Variants in CFAP299 observed in about 807,000 individuals in gnomAD.
CFAP299 encodes the protein cilia- and flagella-associated protein 299.
CFAP299 carries 21 observed loss-of-function variants against 27.0 expected under a neutral mutation model. That is an observed-to-expected ratio of 0.78 (90% CI 0.55 to 1.12). The LOEUF is 1.12. Ranked by LOEUF, CFAP299 falls within the 50% of genes most tolerant of loss-of-function variation. The pLI is 0.00. For missense variants in CFAP299, 310 were observed against 276.6 expected (o/e 1.12, Z -0.86); for synonymous variants, 104 against 98.1 (o/e 1.06, Z -0.36).
chr4:80,654,905 CA>C (rs1740482169), intron 3 of CFAP299, among the ~76,000 whole-genome samples: 1 of 150,992 alleles, frequency 6.6e-6, no homozygotes, highest in South Asian at 2.1e-4. Flanking sequence ...TAGTAACCAT[CA>C]TACCTAGCTA....
At chr4:80,591,024 A>G (rs1736718100) in intron 3 of CFAP299, among the ~76,000 whole-genome samples, 2 of 151,122 alleles carry the variant, frequency 1.3e-5, no homozygotes, top group Non-Finnish European at 2.9e-5. Flanking sequence ...TTGTTATATT[A>G]ATCTTTCTTA....
intron 3 of CFAP299, among the ~76,000 whole-genome samples, chr4:80,717,091 C>G (rs1195589051): frequency 2.0e-5 from 3 of 152,044 alleles, no homozygotes; most frequent in Non-Finnish European, 1.5e-5. Context: ...GGGGCTACAC[C>G]AATGAATACG....
chr4:80,326,995 T>A, the CFAP299 span, among the ~76,000 whole-genome samples: 18 of 152,326 alleles, frequency 1.2e-4, no homozygotes, highest in Admixed American at 9.2e-4. Context: ...TTCCAGGTGC[T>A]GTTATTGATT....
chr4:80,415,137 A>G (rs1232109666), intron 2 of CFAP299, among the ~76,000 whole-genome samples: 2 of 152,212 alleles, frequency 1.3e-5, no homozygotes, highest in African/African-American at 4.8e-5. Context: ...CAACTTAAAA[A>G]ATGAAAATAT....
At chr4:80,472,416 CA>C (rs1279148991) in intron 2 of CFAP299, among the ~76,000 whole-genome samples, 4 of 152,022 alleles carry the variant, frequency 2.6e-5, no homozygotes, top group African/African-American at 9.7e-5. Context: ...TCATTTTCCC[CA>C]AAAAAACTAT....
At chr4:80,645,146 C>A (rs1739936801) in intron 3 of CFAP299, among the ~76,000 whole-genome samples, 1 of 152,040 alleles carries the variant, frequency 6.6e-6, no homozygotes, top group Admixed American at 6.6e-5. Flanking sequence ...TCTTTCCCAC[C>A]AGTATTTTCC....
chr4:80,642,787 T>A (rs371305212), intron 3 of CFAP299, among the ~76,000 whole-genome samples: 4 of 151,864 alleles, frequency 2.6e-5, no homozygotes, highest in African/African-American at 9.7e-5. Flanking sequence ...AAGTAAAAAA[T>A]TTTTTTCAGC....
chr4:80,867,770 G>A (rs1330080044), intron 3 of CFAP299, among the ~76,000 whole-genome samples: 1 of 152,166 alleles, frequency 6.6e-6, no homozygotes, highest in Non-Finnish European at 1.5e-5. Flanking sequence ...CATTTCAAAA[G>A]GCTCTGTCTT....
At chr4:80,513,914 T>C (rs554714750) in intron 2 of CFAP299, among the ~76,000 whole-genome samples, 38 of 152,176 alleles carry the variant, frequency 2.5e-4, no homozygotes, top group Non-Finnish European at 4.6e-4. Flanking sequence ...GTGAGAGACC[T>C]TAACCCATAT....
intron 3 of CFAP299, among the ~76,000 whole-genome samples, chr4:80,715,826 G>A (rs1251660829): frequency 2.0e-5 from 3 of 151,948 alleles, no homozygotes; most frequent in African/African-American, 7.2e-5. Flanking sequence ...TTTATTGATG[G>A]AAGTTTCAAA....
At chr4:80,371,773 T>G (rs1724163025) in intron 2 of CFAP299, among the ~76,000 whole-genome samples, 1 of 152,196 alleles carries the variant, frequency 6.6e-6, no homozygotes, top group African/African-American at 2.4e-5. Context: ...ACCTTCACTA[T>G]TCATATCACT....
At chr4:80,339,123 C>G (rs186048806) in intron 1 of CFAP299, among the ~76,000 whole-genome samples, 1 of 152,252 alleles carries the variant, frequency 6.6e-6, no homozygotes, top group Non-Finnish European at 1.5e-5. Context: ...TAGGTTTGGC[C>G]ATCTTCTCAT....
chr4:80,573,814 T>C (rs1280439738), intron 2 of CFAP299, among the ~76,000 whole-genome samples: 1 of 152,118 alleles, frequency 6.6e-6, no homozygotes, highest in African/African-American at 2.4e-5. Flanking sequence ...TTCCTTTGAT[T>C]TATGTATCTG....
At chr4:80,790,597 A>G (rs1009798410) in intron 3 of CFAP299, 1 of 152,020 alleles carries the variant, frequency 6.6e-6, no homozygotes, top group African/African-American at 2.4e-5. Flanking sequence ...TCAGGTAAGG[A>G]TACAGTAAGT....
intron 2 of CFAP299, among the ~76,000 whole-genome samples, chr4:80,364,751 CA>C (rs1723734604): frequency 6.6e-6 from 1 of 152,200 alleles, no homozygotes; most frequent in Admixed American, 6.5e-5. Flanking sequence ...GCTCTTGCTT[CA>C]ACCAAGCCCC....
chr4:80,538,441 C>A (rs1361031548), intron 2 of CFAP299, among the ~76,000 whole-genome samples: 1 of 151,014 alleles, frequency 6.6e-6, no homozygotes, highest in East Asian at 1.9e-4. Flanking sequence ...AAGTATTATA[C>A]AAGAATATTT....
chr4:80,526,322 A>G (rs1309487398), intron 2 of CFAP299, among the ~76,000 whole-genome samples: 1 of 152,182 alleles, frequency 6.6e-6, no homozygotes, highest in Non-Finnish European at 1.5e-5. Flanking sequence ...TTATGTAAGA[A>G]GGAACACTTC....
At chr4:80,471,206 C>A (rs527819957) in intron 2 of CFAP299, among the ~76,000 whole-genome samples, 6 of 152,066 alleles carry the variant, frequency 3.9e-5, no homozygotes, top group Non-Finnish European at 5.9e-5. Context: ...CCATTGACTA[C>A]CCTCAAGGTT....
At chr4:80,695,419 C>A (rs1721024376) in intron 3 of CFAP299, among the ~76,000 whole-genome samples, 1 of 152,086 alleles carries the variant, frequency 6.6e-6, no homozygotes, top group Non-Finnish European at 1.5e-5. Context: ...AGTCTGATTG[C>A]CATTTTCAAT....
Sources: allele counts gnomAD v4.1 joint callset (sites outside exome capture counted in the v4.1 genomes callset), GRCh38; gene constraint gnomAD v4.1.1; transcripts MANE v1.5; gene names NCBI Gene and HGNC (gene_info 2026-07-23, HGNC 2026-07-21).